The following KSR2 variants were observed in gnomAD, a reference collection of about 807,000 sequenced individuals.
KSR2 encodes kinase suppressor of ras 2.
A neutral mutation model predicts 107.8 loss-of-function variants in KSR2; 25 were observed. The observed-to-expected ratio is 0.23, with a 90% CI of 0.17 to 0.32. The LOEUF is 0.32. Among genes scored for constraint, KSR2 ranks in the 10% least tolerant of loss-of-function variants. The probability of loss-of-function intolerance (pLI) is 1.00; values close to 1 mark genes in which losing one functional copy is unlikely to be tolerated. For synonymous variants in KSR2, 480 were observed against 507.0 expected (o/e 0.95, Z 0.71); for missense variants, 887 against 1,268.9 (o/e 0.70, Z 4.57).
chr12:117,674,138 ACT>A, intron 4 of KSR2: 2 of 388,398 alleles, frequency 5.1e-6, no homozygotes, highest in Non-Finnish European at 1.0e-5. Context: ...ATCTGGGAAA[ACT>A]CTTCCCACTT....
chr12:117,904,352 A>T (rs543781819), intron 1 of KSR2, among the ~76,000 whole-genome samples: 1 of 152,304 alleles, frequency 6.6e-6, no homozygotes, highest in South Asian at 2.1e-4. Context: ...TGTCACTGGA[A>T]GTGTCTGGTA....
intron 4 of KSR2, among the ~76,000 whole-genome samples, chr12:117,668,578 T>C (rs1458311755): frequency 6.6e-6 from 1 of 152,092 alleles, no homozygotes; most frequent in Non-Finnish European, 1.5e-5. Flanking sequence ...GGGGCCAGAC[T>C]CCCCAGATTC....
In KSR2 at chr12:117,460,933, T is replaced by C. The variant is rs1870862534; in HGVS notation, c.*6266A>G. 1 of 152,384 alleles carries C rather than the reference T, an allele frequency of 6.6e-6. No individual in the cohort carries two copies. The allele number at this position is 152,384 out of a possible 1,614,324, so 9.4% of individuals were successfully genotyped here. On this transcript the variant is annotated 3_prime_UTR_variant, in exon 20 of 20. Transcript: ENST00000339824. ...GGATTGTTACTCTGCCTCCTAGACA[T>C]CCTGGGCCACCTGACTCAATGGGTC...
At chr12:117,774,690 C>T (rs1889623632) in intron 3 of KSR2, among the ~76,000 whole-genome samples, 1 of 152,144 alleles carries the variant, frequency 6.6e-6, no homozygotes, top group African/African-American at 2.4e-5. Context: ...TCACATTAAC[C>T]ATTTCAAAGT....
intron 14 of KSR2, among the ~76,000 whole-genome samples, chr12:117,505,632 TCCACTTTTCTTA>T (rs1873634894): frequency 6.6e-6 from 1 of 152,184 alleles, no homozygotes; most frequent in Admixed American, 6.5e-5. Context: ...GGCTCAACTA[TCCACTTTTCTTA>T]TCACAATTAC....
At chr12:117,905,233 C>T (rs144898860) in intron 1 of KSR2, among the ~76,000 whole-genome samples, 1,944 of 151,948 alleles carry the variant, frequency 0.013, 49 homozygotes, top group African/African-American at 0.044. Context: ...GTATTCTTCC[C>T]GTAGGAGATA....
intron 3 of KSR2, among the ~76,000 whole-genome samples, chr12:117,851,897 A>AAAAAAG (rs1739584657): frequency 6.6e-6 from 1 of 152,062 alleles, no homozygotes; most frequent in Non-Finnish European, 1.5e-5. Flanking sequence ...TTAAAAAAAA[A>AAAAAAG]AAAAAGAAAG....
intron 3 of KSR2, among the ~76,000 whole-genome samples, chr12:117,837,845 C>T (rs916777253): frequency 6.6e-6 from 1 of 152,216 alleles, no homozygotes; most frequent in African/African-American, 2.4e-5. Flanking sequence ...GAAGTACCGT[C>T]TCCCACCCTC....
intron 5 of KSR2, among the ~76,000 whole-genome samples, chr12:117,617,046 C>T (rs1881932064): frequency 6.6e-6 from 1 of 152,146 alleles, no homozygotes; most frequent in South Asian, 2.1e-4. Flanking sequence ...CCTTTGCATT[C>T]ATCTTGTTTG....
At chr12:117,883,272 A>G (rs974638285) in intron 1 of KSR2, among the ~76,000 whole-genome samples, 8 of 152,258 alleles carry the variant, frequency 5.3e-5, no homozygotes, top group Non-Finnish European at 1.2e-4. Context: ...GATACAAATT[A>G]TAATTACTGT....
intron 4 of KSR2, among the ~76,000 whole-genome samples, chr12:117,700,702 A>G (rs1886266272): frequency 6.6e-6 from 1 of 152,242 alleles, no homozygotes; most frequent in Admixed American, 6.5e-5. Context: ...CAGTAAAGAA[A>G]ACATTTATTC....
chr12:117,574,806 G>T (rs1182029434), intron 7 of KSR2, among the ~76,000 whole-genome samples: 6 of 151,164 alleles, frequency 4.0e-5, no homozygotes, highest in Admixed American at 3.3e-4. Flanking sequence ...CTGGTCCAGG[G>T]ACCATGTGTA....
In KSR2 at chr12:117,507,355, C is replaced by A. The variant is rs1873760627; in HGVS notation, c.2219+17497G>T. Among the ~76,000 whole-genome samples the A allele has an allele frequency of 2.0e-5, 3 of 152,194 alleles. No individual in the cohort carries two copies. The South Asian group carries it at 6.2e-4, about 31-fold the overall frequency. The stretch of plus-strand genomic sequence containing the variant: ...TAAGTCACTTAAAGAAGGCCATGGC[C>A]ATTCATCTCCAATAAGGGAATGAGT... On this transcript the variant is annotated intron_variant, in intron 14 of 19. Coordinates refer to ENST00000339824, the MANE Select transcript of KSR2 (RefSeq NM_173598.6).
At chr12:117,608,545 A>G (rs1434760869) in intron 5 of KSR2, among the ~76,000 whole-genome samples, 1 of 152,130 alleles carries the variant, frequency 6.6e-6, no homozygotes, top group Non-Finnish European at 1.5e-5. Flanking sequence ...GGCCTCTCTC[A>G]TCGGCACCTG....
At chr12:117,511,657 G>A (rs1185065149) in intron 14 of KSR2, among the ~76,000 whole-genome samples, 1 of 152,206 alleles carries the variant, frequency 6.6e-6, no homozygotes, top group Admixed American at 6.5e-5. Flanking sequence ...GTGTGCAGTA[G>A]TTGCTCAAGG....
At chr12:117,660,474 G>A (rs1172246688) in intron 5 of KSR2, among the ~76,000 whole-genome samples, 1 of 152,090 alleles carries the variant, frequency 6.6e-6, no homozygotes, top group Non-Finnish European at 1.5e-5. Flanking sequence ...TCTTTACCTG[G>A]TGCCATCCTG....
intron 8 of KSR2, among the ~76,000 whole-genome samples, chr12:117,555,962 G>T (rs550920677): frequency 1.3e-5 from 2 of 152,214 alleles, no homozygotes; most frequent in Admixed American, 1.3e-4. Context: ...AGCTGTTGTT[G>T]TTGTTGTTGT....
intron 3 of KSR2, among the ~76,000 whole-genome samples, chr12:117,767,180 G>A (rs989593441): frequency 8.6e-5 from 13 of 151,234 alleles, no homozygotes; most frequent in Non-Finnish European, 1.8e-4. Flanking sequence ...TTGGGAGGCC[G>A]AGATGGGCGG....
intron 1 of KSR2, among the ~76,000 whole-genome samples, chr12:117,888,659 A>G (rs189617039): frequency 3.9e-5 from 6 of 152,364 alleles, no homozygotes; most frequent in Admixed American, 2.6e-4. Context: ...AGCCAAGAAT[A>G]GAGCCCTCAC....
Sources: gnomAD v4.1 joint callset for allele counts (sites outside exome capture counted in the v4.1 genomes callset) on GRCh38, gnomAD v4.1.1 for gene constraint, MANE v1.5 for transcripts, NCBI Gene and HGNC (gene_info 2026-07-23, HGNC 2026-07-21) for gene names.